The following LIMS1 variants were observed in gnomAD, a reference collection of about 807,000 sequenced individuals.
LIMS1 encodes LIM and senescent cell antigen-like-containing domain protein 1.
Under a neutral mutation model 44.1 loss-of-function variants are expected in LIMS1, and 18 were observed. That is an observed-to-expected ratio of 0.41 (90% CI 0.28 to 0.61). LIMS1 has a LOEUF of 0.61. Among genes scored for constraint, LIMS1 ranks in the 20% least tolerant of loss-of-function variants. The pLI, the probability that LIMS1 is intolerant of heterozygous loss-of-function variation, is 0.32. For missense variants in LIMS1, 201 were observed against 422.0 expected (o/e 0.48, Z 4.59); for synonymous variants, 93 against 149.1 (o/e 0.62, Z 2.74).
At chr2:108,560,404 C>T (rs1685071943) in intron 1 of LIMS1, among the ~76,000 whole-genome samples, 1 of 152,096 alleles carries the variant, frequency 6.6e-6, no homozygotes, top group South Asian at 2.1e-4. Context: ...CTGATCTCAT[C>T]TCCTACTATT....
chr2:108,533,724 T>G (rs1395155390), upstream of LIMS1: 1 of 152,592 alleles, frequency 6.6e-6, no homozygotes, highest in Non-Finnish European at 1.5e-5. Context: ...AATTTCAGGT[T>G]TTGATAGACG....
At chr2:108,626,018 G>A (rs753904016) in intron 1 of LIMS1, among the ~76,000 whole-genome samples, 12 of 152,148 alleles carry the variant, frequency 7.9e-5, no homozygotes, top group Non-Finnish European at 1.6e-4. Context: ...TCATGATCCC[G>A]TAAGAGAGAA....
chr2:108,613,587 G>A (rs1429882952), intron 1 of LIMS1, among the ~76,000 whole-genome samples: 2 of 152,158 alleles, frequency 1.3e-5, no homozygotes, highest in Non-Finnish European at 2.9e-5. Flanking sequence ...TCCATGGACT[G>A]CCATGTGGCT....
intron 1 of LIMS1, among the ~76,000 whole-genome samples, chr2:108,585,693 A>G (rs1158550118): frequency 3.9e-5 from 6 of 152,140 alleles, no homozygotes; most frequent in Admixed American, 3.9e-4. Context: ...AGAGATGGTG[A>G]TGGGATGACA....
At position 108,569,764 on chromosome 2, in the gene LIMS1, C is replaced by CCTTT. The variant is rs753691810; in HGVS notation, c.32+35170_32+35171insCTTT. Among the ~76,000 whole-genome samples, 32 of 113,118 alleles carry CCTTT rather than the reference C, an allele frequency of 2.8e-4. 1 individual carries two copies. The highest frequency in any genetic ancestry group is 5.2e-4 in the Admixed American group (5 of 9,650). 74.2% of individuals were successfully genotyped at this position (113,118 alleles called of 152,430 possible). ...TACAAACACTCACCGCCATATCTGG[C>CCTTT]TTTTTTTTTTTTTTTTTTTAGTGAT... is the stretch of plus-strand genomic sequence containing the variant. On this transcript the variant is annotated intron_variant, in intron 1 of 9. Coordinates refer to ENST00000544547, the Ensembl canonical transcript of LIMS1.
chr2:108,550,326 T>G (rs1684638196), intron 1 of LIMS1, among the ~76,000 whole-genome samples: 1 of 147,332 alleles, frequency 6.8e-6, no homozygotes, highest in African/African-American at 2.5e-5. Context: ...AAACCCCATC[T>G]CTACTATAAA....
chr2:108,538,480 T>C (rs1439034660), intron 1 of LIMS1, among the ~76,000 whole-genome samples: 1 of 152,154 alleles, frequency 6.6e-6, no homozygotes, highest in African/African-American at 2.4e-5. Context: ...GTGAAGGCAG[T>C]AGTTCAGCTG....
chr2:108,679,998 G>T (rs1692847594), intron 8 of LIMS1, among the ~76,000 whole-genome samples: 1 of 152,076 alleles, frequency 6.6e-6, no homozygotes, highest in Admixed American at 6.5e-5. Context: ...ACCGAGGCAG[G>T]TAGATTGCTT....
chr2:108,620,589 C>G (rs1291372997), intron 1 of LIMS1, among the ~76,000 whole-genome samples: 3 of 152,212 alleles, frequency 2.0e-5, no homozygotes, highest in Non-Finnish European at 4.4e-5. Context: ...CAGATAAATA[C>G]AGGGTATATA....
At chr2:108,645,719 A>C (rs1308681192) in intron 1 of LIMS1, among the ~76,000 whole-genome samples, 3 of 151,930 alleles carry the variant, frequency 2.0e-5, no homozygotes, top group Admixed American at 1.3e-4. Context: ...AAGAGTCAAG[A>C]CCCATCAGTG....
At chr2:108,551,448 A>T (rs1684689921) in intron 1 of LIMS1, among the ~76,000 whole-genome samples, 1 of 145,228 alleles carries the variant, frequency 6.9e-6, no homozygotes, top group African/African-American at 2.5e-5. Context: ...TAGTATATAT[A>T]ATATATAGTT....
intron 1 of LIMS1, among the ~76,000 whole-genome samples, chr2:108,580,155 G>T (rs1465973428): frequency 6.6e-6 from 1 of 152,202 alleles, no homozygotes; most frequent in Non-Finnish European, 1.5e-5. Context: ...GAACTTACAG[G>T]TCTCTGAGAA....
At position 108,607,885 on chromosome 2, in the gene LIMS1, A is replaced by G. The variant is rs117508199; in HGVS notation, c.33-51720A>G. Among the ~76,000 whole-genome samples, 428 of 152,232 alleles carry G rather than the reference A, an allele frequency of 2.8e-3. 13 individuals carry two copies. Among genetic ancestry groups the G allele is most frequent in the Admixed American group, 0.02 (310 of 15,282 alleles). On this transcript the variant is annotated intron_variant, in intron 1 of 9. Transcript: ENST00000544547. ...AGTTAATGCCCCTTTTGTCCTCTGA[A>G]AATTGTGTGCCTGTAACATCTTCAG... is the stretch of plus-strand genomic sequence containing the variant.
At chr2:108,554,820 G>A (rs1051161017) in intron 1 of LIMS1, among the ~76,000 whole-genome samples, 2 of 152,144 alleles carry the variant, frequency 1.3e-5, no homozygotes, top group African/African-American at 4.8e-5. Flanking sequence ...AACCATTGTT[G>A]AATAGCTCCT....
chr2:108,679,405 G>A (rs557433258), intron 8 of LIMS1, among the ~76,000 whole-genome samples: 78 of 151,992 alleles, frequency 5.1e-4, no homozygotes, highest in African/African-American at 1.6e-3. Flanking sequence ...ACCTGAACCC[G>A]GGAGGCAGAG....
At chr2:108,557,780 C>T (rs2577588) in intron 1 of LIMS1, among the ~76,000 whole-genome samples, 95,241 of 152,112 alleles carry the variant, frequency 0.63, 30,426 homozygotes, top group East Asian at 0.97. Flanking sequence ...CCTCCCAAAG[C>T]GCTAGAATTA....
intron 1 of LIMS1, among the ~76,000 whole-genome samples, chr2:108,617,766 G>A (rs2148865882): frequency 6.6e-6 from 1 of 152,302 alleles, no homozygotes; most frequent in South Asian, 2.1e-4. Flanking sequence ...GTCTTACCAA[G>A]CCATATGTGC....
chr2:108,686,774 T>C (rs1251035702), exon 10 of LIMS1: 1 of 124,618 alleles, frequency 8.0e-6, no homozygotes, highest in Non-Finnish European at 1.8e-5. Context: ...AGACTCCGTC[T>C]CAAAAAAAAA....
intron 1 of LIMS1, among the ~76,000 whole-genome samples, chr2:108,652,498 A>G (rs1054502074): frequency 3.3e-5 from 5 of 152,258 alleles, no homozygotes; most frequent in African/African-American, 9.6e-5. Flanking sequence ...TAAATGAAAA[A>G]CACATGAGTG....
Sources: gnomAD v4.1 joint callset for allele counts (sites outside exome capture counted in the v4.1 genomes callset) on GRCh38, gnomAD v4.1.1 for gene constraint, MANE v1.5 for transcripts, NCBI Gene and HGNC (gene_info 2026-07-23, HGNC 2026-07-21) for gene names.